CTBP2: variants seen among roughly 807,000 people sequenced by gnomAD.
The protein encoded by CTBP2 is C-terminal binding protein 2.
CTBP2 carries 30 observed loss-of-function variants against 80.3 expected under a neutral mutation model. The observed-to-expected ratio is 0.37, with a 90% CI of 0.28 to 0.51. The LOEUF (loss-of-function observed/expected upper bound fraction) is 0.51. Ranked by LOEUF, CTBP2 falls within the 20% of genes least tolerant of loss-of-function variation. The probability of loss-of-function intolerance (pLI) is 0.93; values close to 1 mark genes in which losing one functional copy is unlikely to be tolerated. For synonymous variants in CTBP2, 594 were observed against 587.4 expected (o/e 1.01, Z -0.16); for missense variants, 1,212 against 1,375.3 (o/e 0.88, Z 1.88).
intron 1 of CTBP2, among the ~76,000 whole-genome samples, chr10:125,119,410 C>G (rs1398961185): frequency 6.6e-6 from 1 of 152,188 alleles, no homozygotes; most frequent in African/African-American, 2.4e-5. Flanking sequence ...GAAAAGTGGT[C>G]AAGATGTACC....
chr10:125,107,171 G>A (rs1237028103), intron 2 of CTBP2, among the ~76,000 whole-genome samples: 3 of 152,248 alleles, frequency 2.0e-5, no homozygotes, highest in South Asian at 4.1e-4. Context: ...TCCGAAGGCT[G>A]GCTAAAGCTT....
At chr10:125,069,545 G>A (rs2080155632) in intron 2 of CTBP2, among the ~76,000 whole-genome samples, 1 of 152,240 alleles carries the variant, frequency 6.6e-6, no homozygotes, top group Admixed American at 6.5e-5. Flanking sequence ...CACGAACCCA[G>A]GAGGCAGAGG....
chr10:125,001,447 G>A (rs916804148), intron 3 of CTBP2: 3 of 152,212 alleles, frequency 2.0e-5, no homozygotes, highest in Non-Finnish European at 4.4e-5. Flanking sequence ...TTGTGCCAGG[G>A]AAAGATGGAA....
intron 1 of CTBP2, among the ~76,000 whole-genome samples, chr10:125,143,967 C>A (rs190538866): frequency 1.4e-3 from 215 of 152,300 alleles, no homozygotes; most frequent in African/African-American, 5.0e-3. Flanking sequence ...GTCATAATTT[C>A]TCTCACCATA....
At chr10:125,046,774 C>A (rs1961361773) in intron 2 of CTBP2, among the ~76,000 whole-genome samples, 1 of 152,188 alleles carries the variant, frequency 6.6e-6, no homozygotes, top group Admixed American at 6.5e-5. Context: ...CTCTGGGCTG[C>A]CACACAGAAG....
At chr10:125,002,297 C>T (rs916233669) in intron 3 of CTBP2, among the ~76,000 whole-genome samples, 3 of 152,190 alleles carry the variant, frequency 2.0e-5, no homozygotes, top group South Asian at 2.1e-4. Flanking sequence ...TCAGCACTCA[C>T]GAGCTCACAC....
intron 2 of CTBP2, among the ~76,000 whole-genome samples, chr10:125,103,702 C>G (rs978584666): frequency 6.6e-6 from 1 of 152,150 alleles, no homozygotes; most frequent in African/African-American, 2.4e-5. Flanking sequence ...CCATGCCCCC[C>G]AGGCGTCCCA....
intron 2 of CTBP2, among the ~76,000 whole-genome samples, chr10:125,101,233 G>C (rs1189392779): frequency 2.6e-5 from 4 of 152,236 alleles, no homozygotes; most frequent in Non-Finnish European, 5.9e-5. Context: ...TGAAGTGGCC[G>C]TGTTCCCGGC....
intron 4 of CTBP2, 32 bp from the exon 7 acceptor site, chr10:124,994,715 G>A (rs759511154): frequency 7.5e-6 from 12 of 1,608,150 alleles, no homozygotes; most frequent in African/African-American, 1.3e-5. Context: ...AGGTGAGTGA[G>A]TCCACAGCCC....
At chr10:125,060,602 C>T (rs1015432122) in intron 2 of CTBP2, among the ~76,000 whole-genome samples, 2 of 152,146 alleles carry the variant, frequency 1.3e-5, no homozygotes, top group African/African-American at 4.8e-5. Context: ...TCATCCCCAG[C>T]AGGGAACGTT....
chr10:125,054,879 C>T (rs773038742), intron 2 of CTBP2, among the ~76,000 whole-genome samples: 10 of 152,136 alleles, frequency 6.6e-5, no homozygotes, highest in South Asian at 4.2e-4. Flanking sequence ...TTGGGGTAAA[C>T]GCTATTCTCC....
At chr10:125,072,782 C>T (rs184638471) in intron 2 of CTBP2, among the ~76,000 whole-genome samples, 1 of 152,254 alleles carries the variant, frequency 6.6e-6, no homozygotes, top group East Asian at 1.9e-4. Flanking sequence ...GCCTGCAGGT[C>T]CCTGGAGCAC....
At chr10:125,100,190 G>A (rs868073400) in intron 2 of CTBP2, among the ~76,000 whole-genome samples, 69 of 152,224 alleles carry the variant, frequency 4.5e-4, no homozygotes, top group Admixed American at 4.6e-4. Context: ...AAAATGTAAC[G>A]CTCATGTTTG....
rs573042969 is a variant in CTBP2, at chr10:125,051,466, C to T, written c.-101-12311G>A. ...ACAAGCCTGGCCAACATGGCAAAAC[C>T]CCATCTCTACTAAAAATACAAAAAT... On this transcript the variant is annotated intron_variant, in intron 2 of 10. Coordinates refer to the CTBP2 transcript ENST00000337195. Among the ~76,000 whole-genome samples the T allele has an allele frequency of 7.2e-5, 11 of 152,234 alleles. No individual in the cohort carries two copies. The South Asian group carries it at 2.3e-3, about 32-fold the overall frequency.
At chr10:125,161,287 C>T (rs1341553550), upstream of CTBP2, 1 of 151,872 alleles carries the variant, frequency 6.6e-6, no homozygotes, top group Non-Finnish European at 1.5e-5. Context: ...CCTCGGGAGG[C>T]GCGGGGGCCT....
At chr10:125,120,970 T>C (rs1396373038) in intron 1 of CTBP2, among the ~76,000 whole-genome samples, 1 of 152,244 alleles carries the variant, frequency 6.6e-6, no homozygotes, top group Non-Finnish European at 1.5e-5. Flanking sequence ...CCCCTGACAA[T>C]GACCTCACCC....
At chr10:125,097,641 AGT>A (rs1849734484) in intron 2 of CTBP2, among the ~76,000 whole-genome samples, 1 of 152,108 alleles carries the variant, frequency 6.6e-6, no homozygotes, top group Non-Finnish European at 1.5e-5. Context: ...TGTGCATATC[AGT>A]GTGTCCATGT....
intron 3 of CTBP2, among the ~76,000 whole-genome samples, chr10:125,036,666 GGGGTGTGTGTGTGTGTGTGTGTGTGT>G (rs869028618): frequency 2.0e-5 from 2 of 100,266 alleles, no homozygotes; most frequent in African/African-American, 4.6e-5. Flanking sequence ...AAAGCTAGAG[GGGGTGTGTGTGTGTGTGTGTGTGTGT>G]GTGTGTGTGT....
At chr10:124,999,597 A>G (rs1338023222) in intron 3 of CTBP2, 4 of 152,126 alleles carry the variant, frequency 2.6e-5, no homozygotes, top group Non-Finnish European at 2.9e-5. Flanking sequence ...TCACCCACCC[A>G]CCCAACGTGG....
Sources: gnomAD v4.1 joint callset for allele counts (sites outside exome capture counted in the v4.1 genomes callset) on GRCh38, gnomAD v4.1.1 for gene constraint, MANE v1.5 for transcripts, NCBI Gene and HGNC (gene_info 2026-07-23, HGNC 2026-07-21) for gene names.